MTCL1: variants seen among roughly 807,000 people sequenced by gnomAD.
MTCL1 encodes the protein microtubule crosslinking factor 1, also known as microtubule cross-linking factor 1.
A neutral mutation model predicts 141.4 loss-of-function variants in MTCL1; 79 were observed. That is an observed-to-expected ratio of 0.56 (90% CI 0.47 to 0.67). The LOEUF (loss-of-function observed/expected upper bound fraction) is 0.67. MTCL1 is among the 30% of genes least tolerant of loss of function. The probability of loss-of-function intolerance (pLI) is 0.00; values close to 1 mark genes in which losing one functional copy is unlikely to be tolerated. For missense variants in MTCL1, 2,177 were observed against 2,113.9 expected, an observed-to-expected ratio of 1.03 and a Z score of -0.59; for synonymous variants, 914 against 875.8, an observed-to-expected ratio of 1.04 and a Z score of -0.77.
chr18:8,721,808 C>G (rs2096174988), intron 4 of MTCL1, among the ~76,000 whole-genome samples: 1 of 152,174 alleles, frequency 6.6e-6, no homozygotes, highest in South Asian at 2.1e-4. Flanking sequence ...TTACTAGTGC[C>G]CCTTCGTATC....
intron 4 of MTCL1, among the ~76,000 whole-genome samples, chr18:8,769,583 C>G (rs1300798346): frequency 6.6e-6 from 1 of 152,094 alleles, no homozygotes; most frequent in African/African-American, 2.4e-5. Context: ...ATGTCATGTT[C>G]CCGAGTTTGC....
At chr18:8,799,487 C>T (rs2143950291) in intron 10 of MTCL1, among the ~76,000 whole-genome samples, 1 of 152,296 alleles carries the variant, frequency 6.6e-6, no homozygotes. Context: ...AGAAAGTATG[C>T]CATTATGCCA....
chr18:8,787,559 G>A (rs1352436139), intron 7 of MTCL1, among the ~76,000 whole-genome samples: 1 of 152,244 alleles, frequency 6.6e-6, no homozygotes, highest in Non-Finnish European at 1.5e-5. Flanking sequence ...TTGTACAGCC[G>A]CTGTCTTGCC....
chr18:8,782,352 T>A (rs1257532905), intron 5 of MTCL1: 1 of 152,224 alleles, frequency 6.6e-6, no homozygotes, highest in Non-Finnish European at 1.5e-5. Flanking sequence ...TTGAAACTTT[T>A]GATGGCCGAT....
exon 6 of MTCL1, chr18:8,783,784 G>T (rs1307440915): frequency 7.4e-6 from 12 of 1,613,364 alleles, no homozygotes; most frequent in Non-Finnish European, 1.0e-5. Context: ...TGGGCCGGAA[G>T]ATCGTGGAGC....
In MTCL1 at chr18:8,798,271, AG is replaced by A; in HGVS notation, c.2420del (p.Gly807AspfsTer74). ...CAGCTTGCGGCTGCAGACCGCGGACAGGGGACAGCCCCACAAACAGGTGGGT... is the reference window on the plus strand; with the variant it reads ...CAGCTTGCGGCTGCAGACCGCGGACAGGGACAGCCCCACAAACAGGTGGGT... On this transcript the variant is annotated frameshift_variant, in exon 10 of 17. Transcript: ENST00000359865. LOFTEE classifies it high-confidence loss of function. 1 of 1,562,540 alleles carries A rather than the reference AG, an allele frequency of 6.4e-7. No individual in the cohort carries two copies. The highest frequency in any genetic ancestry group is 1.2e-5 in the South Asian group (1 of 84,082).
intron 4 of MTCL1, among the ~76,000 whole-genome samples, chr18:8,734,483 TGA>T (rs1414396788): frequency 6.6e-6 from 1 of 152,126 alleles, no homozygotes; most frequent in African/African-American, 2.4e-5. Context: ...ATGTATTTTC[TGA>T]AGGGTACCCT....
At chr18:8,718,758 A>G in intron 3 of MTCL1, 110 bp downstream of exon 2, 1 of 965,030 alleles carries the variant, frequency 1.0e-6, no homozygotes. Context: ...TACAGATTGC[A>G]GCATAAACAG....
At chr18:8,731,105 C>T (rs1057041977) in intron 4 of MTCL1, among the ~76,000 whole-genome samples, 3 of 151,726 alleles carry the variant, frequency 2.0e-5, no homozygotes, top group Non-Finnish European at 2.9e-5. Flanking sequence ...ATTAGCCGGC[C>T]GTGGTGGCGG....
At chr18:8,824,671 C>T (rs753312918) in intron 14 of MTCL1, 28 bp from the exon 14 acceptor site, 17 of 1,578,276 alleles carry the variant, frequency 1.1e-5, no homozygotes, top group Non-Finnish European at 1.4e-5. Flanking sequence ...CTGGCAGGTA[C>T]TGACACCCTC....
chr18:8,732,336 T>A (rs946793642), intron 4 of MTCL1, among the ~76,000 whole-genome samples: 21 of 152,282 alleles, frequency 1.4e-4, no homozygotes, highest in Non-Finnish European at 1.5e-5. Context: ...AGTCTCAAAC[T>A]CCTGAGCTCA....
chr18:8,725,552 CTG>C (rs1440645981), intron 4 of MTCL1, among the ~76,000 whole-genome samples: 1 of 152,080 alleles, frequency 6.6e-6, no homozygotes, highest in Non-Finnish European at 1.5e-5. Context: ...GGGGTACACT[CTG>C]TTATTTTCCA....
chr18:8,784,151 G>A (rs773454936), exon 6 of MTCL1: 1 of 1,613,714 alleles, frequency 6.2e-7, no homozygotes. Context: ...GCAGATCAGC[G>A]AGCTCAGCGG....
At chr18:8,784,409 C>T (rs767357185) in exon 6 of MTCL1, 37 of 1,526,324 alleles carry the variant, frequency 2.4e-5, no homozygotes, top group Non-Finnish European at 3.3e-5. Context: ...GAGCGGGAAG[C>T]CATCGGAGGC....
Position 8,774,254 on chromosome 18 carries a change from A to ATGTGTG in MTCL1, c.358-3563_358-3558dup, listed in dbSNP as rs138724389. ...AAACACATACACACACTCTTTTCGA[A>ATGTGTG]TGTGTGTGTGTGTGTGTGTGTATTT... On this transcript the variant is annotated intron_variant, in intron 4 of 16. Coordinates refer to ENST00000359865, the Ensembl canonical transcript of MTCL1. Among the ~76,000 whole-genome samples the ATGTGTG allele has an allele frequency of 6.1e-4, 91 of 150,130 alleles. 1 individual carries two copies. The highest frequency in any genetic ancestry group is 1.6e-3 in the African/African-American group (65 of 40,840).
chr18:8,795,638 A>G (rs2075890793), intron 8 of MTCL1, among the ~76,000 whole-genome samples: 1 of 152,206 alleles, frequency 6.6e-6, no homozygotes, highest in Non-Finnish European at 1.5e-5. Context: ...CAAGTCTTTC[A>G]GCATGGAAAT....
intron 4 of MTCL1, among the ~76,000 whole-genome samples, chr18:8,747,568 A>G (rs1021361529): frequency 8.5e-5 from 13 of 152,220 alleles, no homozygotes; most frequent in African/African-American, 2.7e-4. Context: ...TCCTCAGCTT[A>G]TAAGGACACC....
intron 4 of MTCL1, among the ~76,000 whole-genome samples, chr18:8,749,224 G>A (rs771241396): frequency 6.6e-6 from 1 of 152,236 alleles, no homozygotes; most frequent in Admixed American, 6.5e-5. Flanking sequence ...TGACAGGTGT[G>A]CTGTGGCACC....
intron 7 of MTCL1, chr18:8,789,761 C>T: frequency 1.1e-6 from 1 of 944,840 alleles, no homozygotes; most frequent in Non-Finnish European, 1.3e-6. Context: ...AGAATCAAAC[C>T]TTTGGGGATT....
Sources: allele counts gnomAD v4.1 joint callset (sites outside exome capture counted in the v4.1 genomes callset), GRCh38; gene constraint gnomAD v4.1.1; transcripts MANE v1.5; gene names NCBI Gene and HGNC (gene_info 2026-07-23, HGNC 2026-07-21).